ZNF415: variants seen among roughly 807,000 people sequenced by gnomAD.
ZNF415 encodes the protein zinc finger protein 415.
A neutral mutation model predicts 7.3 loss-of-function variants in ZNF415; 5 were observed. The observed-to-expected ratio is 0.69, with a 90% CI of 0.36 to 1.44. The LOEUF (loss-of-function observed/expected upper bound fraction) is 1.44. Among genes scored for constraint, ZNF415 ranks in the 40% most tolerant of loss-of-function variants. The pLI is 0.04. For missense variants in ZNF415, 628 were observed against 664.8 expected (o/e 0.94, Z 0.61); for synonymous variants, 207 against 226.3 (o/e 0.91, Z 0.77).
chr19:53,113,081 C>T (rs1200639203), intron 3 of ZNF415, among the ~76,000 whole-genome samples: 1 of 49,668 alleles, frequency 2.0e-5, no homozygotes, highest in Non-Finnish European at 4.1e-5. Context: ...AGCGAAACTC[C>T]ATCTTAAAAA....
chr19:53,131,281 C>G (rs549028164), intron 1 of ZNF415, among the ~76,000 whole-genome samples: 2 of 152,032 alleles, frequency 1.3e-5, no homozygotes, highest in East Asian at 3.9e-4. Flanking sequence ...GCCCCAACGC[C>G]AGGGAAGGGG....
chr19:53,131,273 C>A (rs1228590382), intron 1 of ZNF415, among the ~76,000 whole-genome samples: 1 of 151,860 alleles, frequency 6.6e-6, no homozygotes, highest in Non-Finnish European at 1.5e-5. Context: ...CTCCCCCTGC[C>A]CCAACGCCAG....
chr19:53,129,957 C>A (rs1033909888), intron 1 of ZNF415, among the ~76,000 whole-genome samples: 3 of 151,662 alleles, frequency 2.0e-5, no homozygotes, highest in Admixed American at 6.6e-5. Context: ...CCCAGCTACT[C>A]AGGAGGCTGA....
rs766865251 is a variant in ZNF415 at position 53,108,694 on chromosome 19, C to T, written c.1351G>A (p.Val451Met). 1 of 1,614,184 alleles carries T rather than the reference C, an allele frequency of 6.2e-7. No homozygotes were observed. Among genetic ancestry groups the T allele is most frequent in the Admixed American group, 1.7e-5 (1 of 60,026 alleles). The change falls in exon 4 of 4, where the codon GTG (valine) becomes ATG (methionine). Residue 451 changes from valine (V) to methionine (M), a missense_variant. Physicochemically the swap from Val to Met is conservative, Grantham distance 21. Coordinates refer to ENST00000243643, the MANE Select transcript of ZNF415 (RefSeq NM_018355.4). ...KCNECGKAFS[V>M]HSNLTTHQVI... is the part of the protein sequence containing the mutation. ...TGATGGGTAGTTAAGTTCGAATGCA[C>T]ACTAAAGGCTTTCCCACACTCATTA...
Position 53,108,515 on chromosome 19 carries a change from G to A in ZNF415, c.1530C>T (p.Asn510=). 1 of 1,614,114 alleles carries A rather than the reference G, an allele frequency of 6.2e-7. No individual in the cohort carries two copies. Among genetic ancestry groups the A allele is most frequent in the Non-Finnish European group, 8.5e-7 (1 of 1,179,972 alleles). Residue 510 remains asparagine (N), a synonymous_variant, in exon 4 of 4, where the codon AAC becomes AAT. Transcript: ENST00000243643. ...ECGKSFSVRP[N]LTRHQIIHTG... ...TATGGATTATCTGATGTCTAGTGAG[G>A]TTTGGGCGCACACTAAAGGATTTGC...
chr19:53,123,337 C>T (rs552415446), intron 1 of ZNF415, among the ~76,000 whole-genome samples: 1 of 152,072 alleles, frequency 6.6e-6, no homozygotes, highest in South Asian at 2.1e-4. Flanking sequence ...AGGATCCAGA[C>T]AGTGGAAGCA....
chr19:53,122,485 A>T, intron 2 of ZNF415, 177 bp downstream of exon 2: 2 of 1,564,558 alleles, frequency 1.3e-6, no homozygotes, highest in African/African-American at 2.7e-5. Flanking sequence ...TCACAGGGTC[A>T]GGGTGAGACG....
At chr19:53,124,628 C>T (rs1170134919) in intron 1 of ZNF415, among the ~76,000 whole-genome samples, 4 of 152,170 alleles carry the variant, frequency 2.6e-5, no homozygotes, top group South Asian at 2.1e-4. Context: ...GTGGGGCTGG[C>T]GTGTGGTACA....
At chr19:53,129,254 C>G (rs936372429) in intron 1 of ZNF415, among the ~76,000 whole-genome samples, 2 of 152,100 alleles carry the variant, frequency 1.3e-5, no homozygotes, top group African/African-American at 4.8e-5. Context: ...AGGCTGGACA[C>G]TGGCAGGGGC....
rs1162516922 is a variant in ZNF415, at chr19:53,119,136, G to C, written c.16-2703C>G. Among the ~76,000 whole-genome samples, 3 of 152,012 alleles carry C rather than the reference G, an allele frequency of 2.0e-5. No homozygotes were observed. The South Asian group carries it at 6.2e-4, about 32-fold the overall frequency. On this transcript the variant is annotated intron_variant, in intron 2 of 3. Transcript: ENST00000243643. ...CTACTAAAAAAATACAAAAAAATTA[G>C]CTGGGTGTGGTGGTGGGCGCCTGTA...
At chr19:53,117,429 G>A (rs543435087) in intron 2 of ZNF415, among the ~76,000 whole-genome samples, 4 of 143,818 alleles carry the variant, frequency 2.8e-5, no homozygotes, top group Admixed American at 7.0e-5. Context: ...CAACAAGGGC[G>A]AAATTCCGTC....
chr19:53,131,867 T>G (rs964978293), intron 1 of ZNF415, among the ~76,000 whole-genome samples: 8 of 152,022 alleles, frequency 5.3e-5, no homozygotes, highest in African/African-American at 1.9e-4. Flanking sequence ...CACCCCCAGA[T>G]CCCAGGCCTC....
chr19:53,130,742 G>T (rs1451253005), intron 1 of ZNF415, among the ~76,000 whole-genome samples: 1 of 152,080 alleles, frequency 6.6e-6, no homozygotes, highest in Middle Eastern at 3.2e-3. Flanking sequence ...CGCCTCCCGG[G>T]TTTACACAAT....
At chr19:53,116,807 C>T (rs2087129002) in intron 2 of ZNF415, among the ~76,000 whole-genome samples, 1 of 151,366 alleles carries the variant, frequency 6.6e-6, no homozygotes, top group African/African-American at 2.4e-5. Context: ...AACTAGGGAT[C>T]AAGCAAAAGA....
At chr19:53,121,544 C>T (rs554548469) in intron 2 of ZNF415, among the ~76,000 whole-genome samples, 4 of 152,106 alleles carry the variant, frequency 2.6e-5, no homozygotes, top group Non-Finnish European at 4.4e-5. Context: ...TCTCCTACCT[C>T]AGCCTCCTGA....
chr19:53,108,323 A>G lies in ZNF415; in HGVS notation c.*54T>C, dbSNP rs1045993363. 2 of 1,499,036 alleles carry G rather than the reference A, an allele frequency of 1.3e-6. No individual in the cohort carries two copies. Among genetic ancestry groups the G allele is most frequent in the Middle Eastern group, 1.8e-4 (1 of 5,642 alleles). The allele number at this position is 1,499,036 out of a possible 1,614,324, so 92.9% of individuals were successfully genotyped here. A position where few individuals can be genotyped will look rare whatever the true frequency, so the allele number is the denominator to read the frequency against. On this transcript the variant is annotated 3_prime_UTR_variant, in exon 4 of 4. Transcript: ENST00000243643. Reference sequence around the variant, plus strand: ...TATACTTGTATGGTTTCTCTCTGATATAAATTCTTTGATGACTCACAGGAT... The same window carrying G: ...TATACTTGTATGGTTTCTCTCTGATGTAAATTCTTTGATGACTCACAGGAT...
rs2087023653 is a variant in ZNF415, at chr19:53,116,361, A to C, written c.88T>G (p.Leu30Val). 3 of 1,613,700 alleles carry C rather than the reference A, an allele frequency of 1.9e-6. No individual in the cohort carries two copies. The highest frequency in any genetic ancestry group is 3.3e-5 in the Admixed American group (2 of 59,900). ...WKCLNSTQRT[L>V]YRDVMLENYR... The stretch of plus-strand genomic sequence containing the variant: ...TTCTCCAACATCACATCCCTGTATA[A>C]AGTCCTCTGTGTAGAGTTCAGGCAT... Residue 30 changes from leucine to valine, a missense_variant, in exon 3 of 4, where the codon TTA becomes GTA. By Grantham distance (32) the Leu-to-Val change is conservative. Transcript: ENST00000243643.
intron 2 of ZNF415, among the ~76,000 whole-genome samples, chr19:53,117,449 AAAAAG>A (rs2087247752): frequency 6.6e-6 from 1 of 152,096 alleles, no homozygotes; most frequent in African/African-American, 2.4e-5. Context: ...CTCAAAAAAA[AAAAAG>A]AAAGAAAGAG....
rs768127991 is a variant in ZNF415 at position 53,108,898 on chromosome 19, G to T, written c.1147C>A (p.Pro383Thr). ...THQRIHTGEK[P>T]YKCNECGKVF... ...TTACCACATTCATTACACTTGTATG[G>T]TTTCTCCCCAGTGTGAATTCTCTGA... Residue 383 changes from proline to threonine, a missense_variant, in exon 4 of 4, where the codon CCA (proline) becomes ACA (threonine). Coordinates refer to ENST00000243643, the MANE Select transcript of ZNF415 (RefSeq NM_018355.4). 8.7e-6 allele frequency: 14 copies of T among 1,613,972 alleles called. 1 individual carries two copies. The Middle Eastern group carries it at 8.2e-4, about 95-fold the overall frequency.
Sources: allele counts gnomAD v4.1 joint callset (sites outside exome capture counted in the v4.1 genomes callset), GRCh38; gene constraint gnomAD v4.1.1; transcripts MANE v1.5; gene names NCBI Gene and HGNC (gene_info 2026-07-23, HGNC 2026-07-21).